Variants in PRICKLE2 observed in about 807,000 individuals in gnomAD.
PRICKLE2 encodes the protein prickle planar cell polarity protein 2.
A neutral mutation model predicts 81.4 loss-of-function variants in PRICKLE2; 21 were observed. The ratio of observed to expected loss-of-function variants is 0.26; its 90% CI spans 0.18 to 0.37. PRICKLE2 has a LOEUF of 0.37. Ranked by LOEUF, PRICKLE2 falls within the 10% of genes least tolerant of loss-of-function variation. The pLI is 1.00. For synonymous variants in PRICKLE2, 456 were observed against 421.5 expected (o/e 1.08, Z -1.00); for missense variants, 940 against 1,109.0 (o/e 0.85, Z 2.16).
chr3:64,157,940 C>A (rs1234750710), intron 4 of PRICKLE2, among the ~76,000 whole-genome samples: 1 of 152,248 alleles, frequency 6.6e-6, no homozygotes, highest in Non-Finnish European at 1.5e-5. Flanking sequence ...TGACACGGCA[C>A]CACTTCTAAG....
At position 64,097,376 on chromosome 3, in the gene PRICKLE2, T is replaced by C. The variant is rs1662899314; in HGVS notation, c.*1675A>G. On this transcript the variant is annotated 3_prime_UTR_variant, in exon 8 of 8. Coordinates refer to ENST00000638394, the MANE Select transcript of PRICKLE2 (RefSeq NM_198859.4). ...ATACTGAAAAGAGATCACGCTCACC[T>C]CACCATGGCAGATGGCCACTGAGAT... 1 of 152,494 alleles carries C rather than the reference T, an allele frequency of 6.6e-6. No individual in the cohort carries two copies. The highest frequency in any genetic ancestry group is 2.1e-4 in the South Asian group (1 of 4,820). The allele number at this position is 152,494 out of a possible 1,614,324, so 9.4% of individuals were successfully genotyped here. A position where few individuals can be genotyped will look rare whatever the true frequency, so the allele number is the denominator to read the frequency against.
At position 64,147,089 on chromosome 3, in the gene PRICKLE2, T is replaced by C; in HGVS notation, c.1401A>G (p.Glu467=). 6.2e-7 allele frequency: 1 copy of C among 1,614,134 alleles called. No individual in the cohort carries two copies. The highest frequency in any genetic ancestry group is 8.5e-7 in the Non-Finnish European group (1 of 1,180,018). Residue 467 remains glutamate (E), a synonymous_variant, in exon 7 of 8, where the codon GAA becomes GAG. Transcript: ENST00000638394. This position sits in a 1 kb window ranked among gnomAD's most constrained non-coding sequence, Gnocchi z 5.0. ...TCCCCGGGTAATAGTCTTCTCGGCA[T>C]TCCTTGATGAAGCTGCCAGCATGTC... ...MTGHAGSFIK[E]CREDYYPGRL... is the part of the protein sequence containing the mutation.
intron 5 of PRICKLE2, among the ~76,000 whole-genome samples, chr3:64,155,898 TAA>T (rs1313821884): frequency 1.3e-5 from 2 of 152,162 alleles, no homozygotes; most frequent in Non-Finnish European, 2.9e-5. Context: ...TGCTAATGGA[TAA>T]AGAGTTTCTC....
intron 7 of PRICKLE2, among the ~76,000 whole-genome samples, chr3:64,126,916 T>C (rs924789088): frequency 6.6e-6 from 1 of 152,166 alleles, no homozygotes; most frequent in African/African-American, 2.4e-5. Flanking sequence ...CTCTGTTTTG[T>C]CCTCTGTAAA....
At chr3:64,177,456 A>G (rs147575054) in intron 2 of PRICKLE2, among the ~76,000 whole-genome samples, 25 of 152,192 alleles carry the variant, frequency 1.6e-4, no homozygotes, top group African/African-American at 6.0e-4. Context: ...TTTTAAGTGT[A>G]CAATTCAGTG....
At chr3:64,189,558 G>A (rs529516446) in intron 2 of PRICKLE2, among the ~76,000 whole-genome samples, 25 of 152,264 alleles carry the variant, frequency 1.6e-4, no homozygotes, top group African/African-American at 5.1e-4. Context: ...TTTGTCCCTC[G>A]CTGACTGCGG....
At chr3:64,106,488 A>G (rs1017142486) in intron 7 of PRICKLE2, among the ~76,000 whole-genome samples, 5 of 152,198 alleles carry the variant, frequency 3.3e-5, no homozygotes, top group African/African-American at 4.8e-5. Context: ...GCATGATTGT[A>G]TGGATTAATG....
chr3:64,244,587 G>C (rs547631955), intron 2 of PRICKLE2, among the ~76,000 whole-genome samples: 1 of 147,150 alleles, frequency 6.8e-6, no homozygotes, highest in Non-Finnish European at 1.5e-5. Context: ...ACCTAGAGGA[G>C]AAAAAGTGAA....
chr3:64,258,378 A>G (rs554256047), intron 2 of PRICKLE2, among the ~76,000 whole-genome samples: 2 of 152,236 alleles, frequency 1.3e-5, no homozygotes, highest in East Asian at 1.9e-4. Context: ...AACCCTATAC[A>G]ACAACTAAAA....
chr3:64,241,852 G>A (rs536773083), intron 2 of PRICKLE2, among the ~76,000 whole-genome samples: 5 of 152,220 alleles, frequency 3.3e-5, no homozygotes, highest in African/African-American at 1.2e-4. Flanking sequence ...GCCAAAGCAA[G>A]GGAAAATGTT....
At chr3:64,206,264 A>C (rs972100418) in intron 1 of PRICKLE2, among the ~76,000 whole-genome samples, 1 of 152,154 alleles carries the variant, frequency 6.6e-6, no homozygotes, top group African/African-American at 2.4e-5. Context: ...CCGGTCCTCC[A>C]AGCACAGCTC....
chr3:64,163,437 C>T (rs977773042), intron 2 of PRICKLE2: 24 of 439,818 alleles, frequency 5.5e-5, no homozygotes, highest in Admixed American at 1.4e-4. Context: ...AGGGCTTTCT[C>T]GGCAGACTCC....
intron 1 of PRICKLE2, among the ~76,000 whole-genome samples, chr3:64,208,426 G>A (rs995481594): frequency 8.5e-5 from 13 of 152,176 alleles, no homozygotes; most frequent in African/African-American, 2.7e-4. Context: ...AGGGGTAAGC[G>A]GAGAGTCAGA....
chr3:64,244,698 A>G (rs908592391), intron 2 of PRICKLE2, among the ~76,000 whole-genome samples: 1 of 152,036 alleles, frequency 6.6e-6, no homozygotes, highest in African/African-American at 2.4e-5. Flanking sequence ...GGGAATGGAT[A>G]TATTCATACA....
chr3:64,237,482 G>T (rs1302091423), intron 2 of PRICKLE2, among the ~76,000 whole-genome samples: 1 of 152,092 alleles, frequency 6.6e-6, no homozygotes, highest in Non-Finnish European at 1.5e-5. Context: ...CCATCCCTGT[G>T]AAATCAAGTT....
At chr3:64,239,927 C>G (rs925513948) in intron 2 of PRICKLE2, among the ~76,000 whole-genome samples, 3 of 99,916 alleles carry the variant, frequency 3.0e-5, no homozygotes, top group African/African-American at 8.2e-5. Context: ...CCAGCCTGGG[C>G]AACATGACAA....
chr3:64,102,228 T>C (rs745953627), intron 7 of PRICKLE2: 8 of 152,190 alleles, frequency 5.3e-5, no homozygotes, highest in Non-Finnish European at 1.0e-4. Context: ...TTAGGGAAAC[T>C]AAATGCTATA....
At chr3:64,168,055 G>A (rs562788101) in intron 2 of PRICKLE2, among the ~76,000 whole-genome samples, 1 of 152,250 alleles carries the variant, frequency 6.6e-6, no homozygotes, top group East Asian at 1.9e-4. Flanking sequence ...CAATTTTTCA[G>A]GTGTCTCCTT....
intron 1 of PRICKLE2, among the ~76,000 whole-genome samples, chr3:64,208,220 G>C (rs1436028843): frequency 6.6e-6 from 1 of 152,188 alleles, no homozygotes; most frequent in Non-Finnish European, 1.5e-5. Flanking sequence ...CCCCGGTTGT[G>C]TTTCACTGAG....
Sources: allele counts gnomAD v4.1 joint callset (sites outside exome capture counted in the v4.1 genomes callset), GRCh38; gene constraint gnomAD v4.1.1; non-coding constraint Gnocchi (gnomAD v3.1); transcripts MANE v1.5; gene names NCBI Gene and HGNC (gene_info 2026-07-23, HGNC 2026-07-21).